Variants in ACTR1A observed in about 807,000 individuals in gnomAD.
ACTR1A encodes the protein actin related protein 1A.
ACTR1A carries 10 observed loss-of-function variants against 50.7 expected under a neutral mutation model. The ratio of observed to expected loss-of-function variants is 0.20; its 90% CI spans 0.12 to 0.33. The LOEUF (loss-of-function observed/expected upper bound fraction) is 0.33, where lower values mean the gene tolerates loss of function less well. Ranked by LOEUF, ACTR1A falls within the 10% of genes least tolerant of loss-of-function variation. The probability of loss-of-function intolerance (pLI) is 1.00; values close to 1 mark genes in which losing one functional copy is unlikely to be tolerated. For synonymous variants in ACTR1A, 177 were observed against 184.2 expected (o/e 0.96, Z 0.32); for missense variants, 253 against 491.7 (o/e 0.51, Z 4.59).
rs72847727 is a variant in ACTR1A at position 102,485,042 on chromosome 10, G to A, written c.440+567C>T. ...TTTTTCAGAGAAGCCAAAAATTTGGGTTTTGATGGGACACCTCTTGATTTT... is the reference window on the plus strand; with the variant it reads ...TTTTTCAGAGAAGCCAAAAATTTGGATTTTGATGGGACACCTCTTGATTTT... On this transcript the variant is annotated intron_variant, in intron 5 of 10. Transcript: ENST00000369905. 8.0e-3 allele frequency among the ~76,000 whole-genome samples: 1,216 copies of A among 152,336 alleles called. 6 individuals are homozygous for A. Among genetic ancestry groups the A allele is most frequent in the Middle Eastern group, 0.014 (4 of 294 alleles).
intron 1 of ACTR1A, among the ~76,000 whole-genome samples, chr10:102,501,585 A>G (rs2062251899): frequency 6.6e-6 from 1 of 152,194 alleles, no homozygotes; most frequent in Non-Finnish European, 1.5e-5. Flanking sequence ...GATTCTTTCT[A>G]TTGGTCAATA....
At chr10:102,493,708 C>T (rs988795858) in intron 1 of ACTR1A, among the ~76,000 whole-genome samples, 19 of 152,230 alleles carry the variant, frequency 1.2e-4, no homozygotes, top group Admixed American at 5.9e-4. Flanking sequence ...TTTCCACTTT[C>T]GTCTCTTTTC....
At position 102,490,569 on chromosome 10, in the gene ACTR1A, G is replaced by A. The variant is rs1032507080; in HGVS notation, c.93C>T (p.Pro31=). The change falls in exon 2 of 11, where the codon CCC becomes CCT. Residue 31 remains proline (P), a synonymous_variant. Coordinates refer to ENST00000369905, the MANE Select transcript of ACTR1A (RefSeq NM_005736.4). ...IKAGFAGDQI[P]KYCFPNYVGR... is the part of the protein sequence containing the mutation. ...CTTACTAGTTTGGAAAGCAGTATTT[G>A]GGGATCTGATCACCAGCAAAACCAG... The A allele has an allele frequency of 6.2e-7, 1 of 1,613,524 alleles. No homozygotes were observed. The highest frequency in any genetic ancestry group is 1.3e-5 in the African/African-American group (1 of 75,020).
In ACTR1A at chr10:102,488,401, C is replaced by A; in HGVS notation, c.190-126G>T. On this transcript the variant is annotated intron_variant, in intron 3 of 10. Coordinates refer to ENST00000369905, the MANE Select transcript of ACTR1A (RefSeq NM_005736.4). This position sits in a 1 kb window ranked among gnomAD's most constrained non-coding sequence, Gnocchi z 4.4. Reference sequence around the variant, plus strand: ...CTCAGCTTCCTGAGCTTCCACCCTGCTGTCCTTGCCCAGGGCTAAGGGTGG... The same window carrying A: ...CTCAGCTTCCTGAGCTTCCACCCTGATGTCCTTGCCCAGGGCTAAGGGTGG... The A allele has an allele frequency of 7.3e-7, 1 of 1,362,978 alleles. No homozygotes were observed. The highest frequency in any genetic ancestry group is 1.9e-5 in the Admixed American group (1 of 52,568). The allele number at this position is 1,362,978 out of a possible 1,614,324, so 84.4% of individuals were successfully genotyped here.
chr10:102,493,746 A>G (rs2062206424), intron 1 of ACTR1A, among the ~76,000 whole-genome samples: 3 of 152,244 alleles, frequency 2.0e-5, no homozygotes, highest in Admixed American at 2.0e-4. Context: ...GCTAAAATAC[A>G]TTTTGGCAGT....
At chr10:102,489,229 C>A in intron 2 of ACTR1A, 91 bp from the exon 3 acceptor site, 1 of 823,982 alleles carries the variant, frequency 1.2e-6, no homozygotes. Context: ...TCAAATTCTA[C>A]TGAGATTATC....
intron 1 of ACTR1A, among the ~76,000 whole-genome samples, chr10:102,496,307 C>A (rs1414640881): frequency 6.6e-6 from 1 of 152,216 alleles, no homozygotes; most frequent in African/African-American, 2.4e-5. Flanking sequence ...ATTCAATGCA[C>A]CTTTCAGATT....
chr10:102,480,767 TCACA>T lies in ACTR1A; in HGVS notation c.*92_*95del, dbSNP rs1025875426. The T allele has an allele frequency of 5.9e-6, 6 of 1,018,720 alleles. No homozygotes were observed. The highest frequency in any genetic ancestry group is 7.8e-6 in the Non-Finnish European group (5 of 644,364). 63.1% of individuals were successfully genotyped at this position (1,018,720 alleles called of 1,614,324 possible). A position where few individuals can be genotyped will look rare whatever the true frequency, so the allele number is the denominator to read the frequency against. On this transcript the variant is annotated 3_prime_UTR_variant, in exon 11 of 11. Coordinates refer to ENST00000369905, the MANE Select transcript of ACTR1A (RefSeq NM_005736.4). The stretch of plus-strand genomic sequence containing the variant: ...CACACACTCATATCCACACACGCAC[TCACA>T]CACAGGCAGTTCCTCGCAAACACTC...
chr10:102,496,916 C>G (rs763546105), intron 1 of ACTR1A, among the ~76,000 whole-genome samples: 2 of 152,066 alleles, frequency 1.3e-5, no homozygotes, highest in African/African-American at 4.8e-5. Flanking sequence ...TGGTGGCTCA[C>G]GCCTATAATC....
At chr10:102,484,449 G>T in intron 5 of ACTR1A, 73 bp from the exon 6 acceptor site, 1 of 1,322,748 alleles carries the variant, frequency 7.6e-7, no homozygotes. Context: ...CTTTATTTAG[G>T]GTTCAATGTC....
intron 6 of ACTR1A, 25 bp downstream of exon 6, chr10:102,484,135 C>T (rs2062155776): frequency 6.2e-7 from 1 of 1,610,820 alleles, no homozygotes; most frequent in African/African-American, 1.3e-5. Flanking sequence ...CCACTCCATC[C>T]CTAGGCCCAG....
chr10:102,482,932 G>T lies in ACTR1A; in HGVS notation c.750+79C>A. ...AAAGGGACTGGCCTGCCAGACTCCA[G>T]ACCCTGATGGAGAATTCTGGTTGGG... On this transcript the variant is annotated intron_variant, in intron 7 of 10. Coordinates refer to ENST00000369905, the MANE Select transcript of ACTR1A (RefSeq NM_005736.4). The surrounding 1 kb of genome is among the most constrained non-coding windows in gnomAD (Gnocchi z 5.6). 2.5e-6 allele frequency: 3 copies of T among 1,218,618 alleles called. No individual in the cohort carries two copies. The highest frequency in any genetic ancestry group is 2.4e-5 in the South Asian group (2 of 82,574). 75.5% of individuals were successfully genotyped at this position (1,218,618 alleles called of 1,614,324 possible).
chr10:102,489,542 G>C (rs760964430), intron 2 of ACTR1A, among the ~76,000 whole-genome samples: 1 of 152,138 alleles, frequency 6.6e-6, no homozygotes, highest in Non-Finnish European at 1.5e-5. Context: ...GGCTGGGCTC[G>C]ATGGCTCACA....
At position 102,482,205 on chromosome 10, in the gene ACTR1A, C is replaced by T. The variant is rs758747188; in HGVS notation, c.751-30G>A. The T allele has an allele frequency of 2.6e-5, 42 of 1,604,898 alleles. No homozygotes were observed. Among genetic ancestry groups the T allele is most frequent in the Middle Eastern group, 1.6e-4 (1 of 6,074 alleles). The stretch of plus-strand genomic sequence containing the variant: ...AGGTAGGAGGGCCAGCTGAAGAGGT[C>T]GGAGCTGGGACCAAGGTCCCTTTGG... On this transcript the variant is annotated intron_variant, in intron 7 of 10. Coordinates refer to ENST00000369905, the MANE Select transcript of ACTR1A (RefSeq NM_005736.4). This position sits in a 1 kb window ranked among gnomAD's most constrained non-coding sequence, Gnocchi z 5.6.
intron 1 of ACTR1A, among the ~76,000 whole-genome samples, chr10:102,495,671 G>A (rs191909521): frequency 2.6e-4 from 39 of 151,596 alleles, no homozygotes; most frequent in African/African-American, 7.5e-4. Flanking sequence ...GGAGGTTGCA[G>A]TGAGCCGAGA....
chr10:102,502,252 C>T (rs1240377446), intron 1 of ACTR1A, among the ~76,000 whole-genome samples: 1 of 152,060 alleles, frequency 6.6e-6, no homozygotes, highest in Non-Finnish European at 1.5e-5. Flanking sequence ...GTATCATTGG[C>T]TAAGATGGAC....
intron 1 of ACTR1A, among the ~76,000 whole-genome samples, chr10:102,492,552 C>CT (rs2062199671): frequency 6.6e-6 from 1 of 152,202 alleles, no homozygotes; most frequent in African/African-American, 2.4e-5. Context: ...CCTGGAGACT[C>CT]TAAGTAGCCA....
At chr10:102,502,153 G>C (rs1405354802) in intron 1 of ACTR1A, among the ~76,000 whole-genome samples, 1 of 152,224 alleles carries the variant, frequency 6.6e-6, no homozygotes, top group African/African-American at 2.4e-5. Context: ...CCCTTCAAGA[G>C]GGAAAACAAT....
At chr10:102,502,559 AGAG>A in intron 1 of ACTR1A, 38 bp downstream of exon 1, 1 of 1,609,404 alleles carries the variant, frequency 6.2e-7, no homozygotes, top group Non-Finnish European at 8.5e-7. Context: ...TTCGAGGAGG[AGAG>A]CCCAAGTCCC....
Sources: allele counts gnomAD v4.1 joint callset (sites outside exome capture counted in the v4.1 genomes callset), GRCh38; gene constraint gnomAD v4.1.1; non-coding constraint Gnocchi (gnomAD v3.1); transcripts MANE v1.5; gene names NCBI Gene and HGNC (gene_info 2026-07-23, HGNC 2026-07-21).